The following LRRC4C variants were observed in gnomAD, a reference collection of about 807,000 sequenced individuals.
The protein encoded by LRRC4C is leucine rich repeat containing 4C.
LRRC4C carries 5 observed loss-of-function variants against 33.6 expected under a neutral mutation model. The ratio of observed to expected loss-of-function variants is 0.15; its 90% CI spans 0.08 to 0.31. LRRC4C has a LOEUF of 0.31. Among genes scored for constraint, LRRC4C ranks in the 10% least tolerant of loss-of-function variants. The pLI is 1.00. For synonymous variants in LRRC4C, 329 were observed against 302.0 expected, an observed-to-expected ratio of 1.09 and a Z score of -0.93; for missense variants, 560 against 796.7, an observed-to-expected ratio of 0.70 and a Z score of 3.58.
chr11:40,687,862 T>A (rs1945035421), intron 2 of LRRC4C, among the ~76,000 whole-genome samples: 1 of 152,130 alleles, frequency 6.6e-6, no homozygotes, highest in African/African-American at 2.4e-5. Flanking sequence ...TTTTCTGGCA[T>A]AGAATTAAAC....
chr11:40,204,574 T>C (rs1463925670), intron 5 of LRRC4C, among the ~76,000 whole-genome samples: 4 of 152,108 alleles, frequency 2.6e-5, no homozygotes, highest in Non-Finnish European at 5.9e-5. Flanking sequence ...TTTCTGAGAG[T>C]TGAACATTCC....
intron 3 of LRRC4C, among the ~76,000 whole-genome samples, chr11:40,390,418 G>C (rs1949290429): frequency 6.6e-6 from 1 of 152,084 alleles, no homozygotes; most frequent in Non-Finnish European, 1.5e-5. Context: ...TCTCTCTCAG[G>C]CTAGGATCCC....
At chr11:40,233,565 A>C (rs906077282) in intron 5 of LRRC4C, among the ~76,000 whole-genome samples, 1 of 152,174 alleles carries the variant, frequency 6.6e-6, no homozygotes, top group Non-Finnish European at 1.5e-5. Context: ...GTATTTTTTT[A>C]AAAAAGACAA....
At chr11:41,365,063 G>T (rs1020008695) in intron 1 of LRRC4C, among the ~76,000 whole-genome samples, 11 of 152,100 alleles carry the variant, frequency 7.2e-5, no homozygotes, top group Non-Finnish European at 1.2e-4. Context: ...TTTGTGGCCT[G>T]TTAGGAACTG....
intron 1 of LRRC4C, among the ~76,000 whole-genome samples, chr11:41,355,029 A>G (rs1952109992): frequency 6.6e-6 from 1 of 152,178 alleles, no homozygotes; most frequent in Admixed American, 6.6e-5. Context: ...AGCTCAGCAA[A>G]AGAAACTATC....
In LRRC4C at chr11:40,559,575, C is replaced by T. The variant is rs558792515; in HGVS notation, c.-270+88567G>A. ...GGTGGGATGGTAGTTCTGCTTTTAG[C>T]TCTTTGAGGAATCACCAAACGGCTT... On this transcript the variant is annotated intron_variant, in intron 3 of 6. Coordinates refer to ENST00000528697, the MANE Select transcript of LRRC4C (RefSeq NM_001258419.2). Among the ~76,000 whole-genome samples, 14 of 152,218 alleles carry T rather than the reference C, an allele frequency of 9.2e-5. No individual in the cohort carries two copies. The South Asian group carries it at 2.9e-3, about 32-fold the overall frequency.
chr11:41,058,760 A>G (rs146588392), intron 1 of LRRC4C, among the ~76,000 whole-genome samples: 4 of 152,366 alleles, frequency 2.6e-5, no homozygotes, highest in African/African-American at 9.6e-5. Context: ...ATGCACATAT[A>G]TGTTCATCAC....
intron 1 of LRRC4C, among the ~76,000 whole-genome samples, chr11:41,136,064 A>G (rs1017448148): frequency 2.6e-5 from 4 of 152,110 alleles, no homozygotes; most frequent in Admixed American, 2.6e-4. Context: ...CATTTATTCA[A>G]AAAAACACTT....
chr11:40,381,279 GT>G (rs1948855731), intron 3 of LRRC4C, among the ~76,000 whole-genome samples: 2 of 151,550 alleles, frequency 1.3e-5, no homozygotes, highest in African/African-American at 2.4e-5. Context: ...CAACGGTGGG[GT>G]CAATCTGAGG....
At chr11:40,629,611 C>G (rs1247850189) in intron 3 of LRRC4C, among the ~76,000 whole-genome samples, 1 of 152,134 alleles carries the variant, frequency 6.6e-6, no homozygotes, top group Non-Finnish European at 1.5e-5. Flanking sequence ...GCACAGTTAA[C>G]TTAAGTCTCT....
chr11:41,275,092 C>G (rs1949442423), intron 1 of LRRC4C, among the ~76,000 whole-genome samples: 1 of 152,148 alleles, frequency 6.6e-6, no homozygotes, highest in African/African-American at 2.4e-5. Flanking sequence ...ATCTTGCTCC[C>G]TCTCGCCATG....
rs1861825269 is a variant in LRRC4C, at chr11:40,191,332, T to A, written c.-96+50187A>T. Among the ~76,000 whole-genome samples, 2 of 152,254 alleles carry A rather than the reference T, an allele frequency of 1.3e-5. 1 individual carries two copies. The highest frequency in any genetic ancestry group is 4.1e-4 in the South Asian group (2 of 4,834). ...AAATTGTATTCTACTTTCAAAATAC[T>A]GTAGATGTTTCACCTTCTCCAGTCC... is the stretch of plus-strand genomic sequence containing the variant. On this transcript the variant is annotated intron_variant, in intron 5 of 6. Transcript: ENST00000528697.
intron 3 of LRRC4C, among the ~76,000 whole-genome samples, chr11:40,325,995 G>T (rs536193486): frequency 6.6e-6 from 1 of 151,574 alleles, no homozygotes; most frequent in African/African-American, 2.4e-5. Context: ...CTAGCCATGG[G>T]TGAGAAGAAC....
chr11:41,053,297 C>A (rs1858384584), intron 1 of LRRC4C, among the ~76,000 whole-genome samples: 1 of 152,208 alleles, frequency 6.6e-6, no homozygotes, highest in Non-Finnish European at 1.5e-5. Flanking sequence ...TTTGATGAAA[C>A]AAGCAGGCAT....
At chr11:40,783,477 A>C (rs1950299173) in intron 2 of LRRC4C, among the ~76,000 whole-genome samples, 1 of 150,752 alleles carries the variant, frequency 6.6e-6, no homozygotes, top group Non-Finnish European at 1.5e-5. Context: ...TTCTTTTTTT[A>C]TTTTTATTTT....
At chr11:40,175,961 G>A (rs1342704234) in intron 5 of LRRC4C, among the ~76,000 whole-genome samples, 1 of 152,116 alleles carries the variant, frequency 6.6e-6, no homozygotes, top group Non-Finnish European at 1.5e-5. Context: ...TAGAGGCTGA[G>A]TAAGAAGCCT....
At chr11:40,747,988 A>T (rs566244719) in intron 2 of LRRC4C, among the ~76,000 whole-genome samples, 19 of 152,326 alleles carry the variant, frequency 1.2e-4, no homozygotes, top group African/African-American at 3.4e-4. Context: ...AACCTAGTTA[A>T]CAAAAATAGG....
At chr11:40,430,721 A>G (rs1331707056) in intron 3 of LRRC4C, among the ~76,000 whole-genome samples, 2 of 151,984 alleles carry the variant, frequency 1.3e-5, no homozygotes, top group Admixed American at 1.3e-4. Flanking sequence ...CCACAAATCA[A>G]TCTAACTAAT....
intron 3 of LRRC4C, among the ~76,000 whole-genome samples, chr11:40,598,235 G>A (rs1422609255): frequency 6.6e-6 from 1 of 152,136 alleles, no homozygotes; most frequent in Non-Finnish European, 1.5e-5. Flanking sequence ...CATTTCTGTA[G>A]CACCTCTGCT....
Sources: gnomAD v4.1 joint callset for allele counts (sites outside exome capture counted in the v4.1 genomes callset) on GRCh38, gnomAD v4.1.1 for gene constraint, MANE v1.5 for transcripts, NCBI Gene and HGNC (gene_info 2026-07-23, HGNC 2026-07-21) for gene names.